DCLK1: variants seen among roughly 807,000 people sequenced by gnomAD.
DCLK1 encodes serine/threonine-protein kinase DCLK1.
In DCLK1, 16 loss-of-function variants were observed where a neutral mutation model predicts 86.2. That is an observed-to-expected ratio of 0.19 (90% CI 0.13 to 0.28). The LOEUF (loss-of-function observed/expected upper bound fraction) is 0.28. Among genes scored for constraint, DCLK1 ranks in the 10% least tolerant of loss-of-function variants. The pLI is 1.00. For missense variants in DCLK1, 590 were observed against 940.2 expected (o/e 0.63, Z 4.87); for synonymous variants, 369 against 370.5 (o/e 1.00, Z 0.05).
intron 4 of DCLK1, among the ~76,000 whole-genome samples, chr13:35,929,570 C>T (rs964250263): frequency 6.6e-5 from 10 of 152,186 alleles, no homozygotes; most frequent in African/African-American, 2.2e-4. Context: ...TATCTTTGAG[C>T]AAGATGATGC....
rs2153096026 is a variant in DCLK1 at position 35,768,813 on chromosome 13, G to A, written c.*5722C>T. ...TGGGAAAGCTACACTCTGACCGCATGACTAATTTTTAAAGCCTTGCATAGA... is the reference window on the plus strand; with the variant it reads ...TGGGAAAGCTACACTCTGACCGCATAACTAATTTTTAAAGCCTTGCATAGA... On this transcript the variant is annotated 3_prime_UTR_variant, in exon 17 of 17. Coordinates refer to ENST00000360631, the MANE Select transcript of DCLK1 (RefSeq NM_001330071.2). 1 of 152,332 alleles carries A rather than the reference G, an allele frequency of 6.6e-6. No individual in the cohort carries two copies. Among genetic ancestry groups the A allele is most frequent in the South Asian group, 2.1e-4 (1 of 4,826 alleles). The allele number at this position is 152,332 out of a possible 1,614,324, so 9.4% of individuals were successfully genotyped here. A position where few individuals can be genotyped will look rare whatever the true frequency, so the allele number is the denominator to read the frequency against.
intron 3 of DCLK1, among the ~76,000 whole-genome samples, chr13:35,952,307 A>G (rs1331008148): frequency 1.3e-5 from 2 of 152,198 alleles, no homozygotes; most frequent in African/African-American, 2.4e-5. Context: ...TGCTTTGGGA[A>G]TAAGGATTCT....
At chr13:36,106,082 T>A (rs1261924852) in intron 3 of DCLK1, among the ~76,000 whole-genome samples, 1 of 152,198 alleles carries the variant, frequency 6.6e-6, no homozygotes, top group African/African-American at 2.4e-5. Context: ...TTAGAATTCA[T>A]TTTACAGCGA....
At position 35,868,062 on chromosome 13, in the gene DCLK1, G is replaced by T. The variant is rs534496379; in HGVS notation, c.940+3162C>A. 1.1e-3 allele frequency among the ~76,000 whole-genome samples: 132 copies of T among 123,616 alleles called. 1 individual carries two copies. In the East Asian group the frequency reaches 0.029, roughly 27 times the overall value. The allele number at this position is 123,616 out of a possible 152,430, so 81.1% of individuals were successfully genotyped here. A position where few individuals can be genotyped will look rare whatever the true frequency, so the allele number is the denominator to read the frequency against. ...TTTTGAGATGGAGTCTTGCTCTGTT[G>T]CCCAGGCTGGAGTGCAGTGGCACCA... is the stretch of plus-strand genomic sequence containing the variant. On this transcript the variant is annotated intron_variant, in intron 5 of 16. Coordinates refer to ENST00000360631, the MANE Select transcript of DCLK1 (RefSeq NM_001330071.2).
At chr13:35,996,365 T>A (rs373812222) in intron 3 of DCLK1, among the ~76,000 whole-genome samples, 1 of 152,204 alleles carries the variant, frequency 6.6e-6, no homozygotes, top group East Asian at 1.9e-4. Flanking sequence ...CCACTTGAGG[T>A]GGTCAATTTT....
intron 5 of DCLK1, among the ~76,000 whole-genome samples, chr13:35,863,744 T>C (rs1386310992): frequency 6.6e-6 from 1 of 152,224 alleles, no homozygotes; most frequent in Non-Finnish European, 1.5e-5. Context: ...TAGCTGGCAA[T>C]CTGCCTTTGA....
At chr13:36,023,885 A>ATTTC (rs1463244679) in intron 3 of DCLK1, among the ~76,000 whole-genome samples, 2 of 123,362 alleles carry the variant, frequency 1.6e-5, no homozygotes, top group African/African-American at 6.1e-5. Flanking sequence ...TGCTCTCCTC[A>ATTTC]TTTCTTTCTT....
intron 3 of DCLK1, among the ~76,000 whole-genome samples, chr13:36,012,115 G>A (rs1881300868): frequency 7.2e-6 from 1 of 139,192 alleles, no homozygotes; most frequent in Admixed American, 7.3e-5. Flanking sequence ...TTGAGCCTAT[G>A]TGTGTCTCTG....
intron 3 of DCLK1, among the ~76,000 whole-genome samples, chr13:35,973,483 C>T (rs1879169073): frequency 6.6e-6 from 1 of 152,192 alleles, no homozygotes; most frequent in South Asian, 2.1e-4. Context: ...GCCCACTGGG[C>T]TCCTCTCTAA....
chr13:35,942,259 C>T (rs7139647), intron 4 of DCLK1, among the ~76,000 whole-genome samples: 81,846 of 151,788 alleles, frequency 0.54, 24,944 homozygotes, highest in Admixed American at 0.66. Context: ...CTCCGCCTCC[C>T]GGGTTCAAGT....
In DCLK1 at chr13:35,901,631, C is replaced by G. The variant is rs565534164; in HGVS notation, c.824-30291G>C. ...TAAAAGTGGGGATTCTCCTGGCACTCCCTTTGCGTGTTCTCTTACAGGCCT... is the reference window on the plus strand; with the variant it reads ...TAAAAGTGGGGATTCTCCTGGCACTGCCTTTGCGTGTTCTCTTACAGGCCT... On this transcript the variant is annotated intron_variant, in intron 4 of 16. Transcript: ENST00000360631. Among the ~76,000 whole-genome samples, 24 of 152,028 alleles carry G rather than the reference C, an allele frequency of 1.6e-4. No individual in the cohort carries two copies. The South Asian group carries it at 5.0e-3, about 32-fold the overall frequency.
At chr13:35,968,303 A>G (rs995718715) in intron 3 of DCLK1, among the ~76,000 whole-genome samples, 1 of 152,162 alleles carries the variant, frequency 6.6e-6, no homozygotes, top group Admixed American at 6.5e-5. Flanking sequence ...AGTTCTGGAG[A>G]TGGATGATGG....
chr13:35,966,019 A>G (rs1039561419), intron 3 of DCLK1, among the ~76,000 whole-genome samples: 1 of 152,250 alleles, frequency 6.6e-6, no homozygotes, highest in African/African-American at 2.4e-5. Context: ...AAACAAACAC[A>G]TGAAACAAGA....
intron 4 of DCLK1, among the ~76,000 whole-genome samples, chr13:35,927,497 G>A (rs910348570): frequency 2.6e-5 from 4 of 152,122 alleles, no homozygotes; most frequent in East Asian, 1.9e-4. Context: ...TTGTTACACC[G>A]TTTGATTTCT....
intron 4 of DCLK1, among the ~76,000 whole-genome samples, chr13:35,922,933 T>A (rs1171963866): frequency 2.6e-5 from 4 of 152,144 alleles, no homozygotes; most frequent in African/African-American, 9.7e-5. Context: ...CTGCTTTAGA[T>A]CTGAAGAAGC....
chr13:35,918,028 T>C (rs1159746286), intron 4 of DCLK1, among the ~76,000 whole-genome samples: 3 of 152,170 alleles, frequency 2.0e-5, no homozygotes, highest in African/African-American at 7.2e-5. Context: ...AATCTGCTAT[T>C]CTCTTCTCTA....
At chr13:35,856,353 G>A (rs60698059) in intron 5 of DCLK1, among the ~76,000 whole-genome samples, 1,899 of 152,318 alleles carry the variant, frequency 0.012, 41 homozygotes, top group African/African-American at 0.041. Context: ...AAAGACAAGG[G>A]CAGAAGCAGA....
chr13:35,831,561 G>A (rs778846317), intron 8 of DCLK1, among the ~76,000 whole-genome samples: 2 of 152,128 alleles, frequency 1.3e-5, no homozygotes, highest in Non-Finnish European at 2.9e-5. Context: ...TGGATTCAGA[G>A]GGGAACGAGA....
intron 14 of DCLK1, 41 bp from the exon 15 acceptor site, chr13:35,805,820 G>C: frequency 6.3e-7 from 1 of 1,580,304 alleles, no homozygotes; most frequent in South Asian, 1.1e-5. Flanking sequence ...CTGAATTTAA[G>C]GTGAAAAGCT....
Sources: gnomAD v4.1 joint callset for allele counts (sites outside exome capture counted in the v4.1 genomes callset) on GRCh38, gnomAD v4.1.1 for gene constraint, MANE v1.5 for transcripts, NCBI Gene and HGNC (gene_info 2026-07-23, HGNC 2026-07-21) for gene names.